Variants in PAK5 observed in about 807,000 individuals in gnomAD.
PAK5 encodes serine/threonine-protein kinase PAK 5.
In PAK5, 16 loss-of-function variants were observed where a neutral mutation model predicts 65.9. That is an observed-to-expected ratio of 0.24 (90% confidence interval 0.16 to 0.37). The LOEUF is 0.37. Among genes scored for constraint, PAK5 ranks in the 10% least tolerant of loss-of-function variants. The probability of loss-of-function intolerance (pLI) is 1.00; values close to 1 mark genes in which losing one functional copy is unlikely to be tolerated. For missense variants in PAK5, 785 were observed against 903.9 expected, an observed-to-expected ratio of 0.87 and a Z score of 1.69; for synonymous variants, 371 against 354.9, an observed-to-expected ratio of 1.05 and a Z score of -0.51.
chr20:9,724,002 C>T (rs913140851), intron 1 of PAK5, among the ~76,000 whole-genome samples: 1 of 152,148 alleles, frequency 6.6e-6, no homozygotes, highest in African/African-American at 2.4e-5. Flanking sequence ...CACCTCATGT[C>T]AGCCAATCTT....
At chr20:9,626,062 G>T (rs953509466) in intron 3 of PAK5, among the ~76,000 whole-genome samples, 1 of 152,044 alleles carries the variant, frequency 6.6e-6, no homozygotes, top group Non-Finnish European at 1.5e-5. Context: ...TAGTAATTGT[G>T]GATTCAAAGA....
chr20:9,590,830 C>A (rs1259548091), intron 3 of PAK5, among the ~76,000 whole-genome samples: 1 of 152,094 alleles, frequency 6.6e-6, no homozygotes, highest in Admixed American at 6.6e-5. Context: ...ATAAACAACC[C>A]AACACTGTTC....
Position 9,594,744 on chromosome 20 carries a change from T to C in PAK5, c.205-13814A>G, listed in dbSNP as rs74482635. On this transcript the variant is annotated intron_variant, in intron 3 of 9. Transcript: ENST00000353224. Reference sequence around the variant, plus strand: ...TAACAGACTTTGGATCATTCCCAACTTTGCTGGTGTGTTTTCCCAGGTCAT... The same window carrying C: ...TAACAGACTTTGGATCATTCCCAACCTTGCTGGTGTGTTTTCCCAGGTCAT... Among the ~76,000 whole-genome samples, 10 of 152,324 alleles carry C rather than the reference T, an allele frequency of 6.6e-5. No homozygotes were observed. In the East Asian group the frequency reaches 1.9e-3, roughly 29 times the overall value.
intron 1 of PAK5, among the ~76,000 whole-genome samples, chr20:9,758,072 C>A (rs1258816071): frequency 2.6e-5 from 4 of 152,168 alleles, no homozygotes; most frequent in African/African-American, 4.8e-5. Flanking sequence ...TACTTCATAG[C>A]CTTATTTGGA....
At chr20:9,544,184 C>T (rs973163032) in intron 8 of PAK5, among the ~76,000 whole-genome samples, 185 bp downstream of exon 8, 1 of 152,148 alleles carries the variant, frequency 6.6e-6, no homozygotes, top group African/African-American at 2.4e-5. Flanking sequence ...AGTGATCTGC[C>T]CCAGGGGTGG....
chr20:9,745,722 G>C (rs775956507), intron 1 of PAK5, among the ~76,000 whole-genome samples: 4 of 152,032 alleles, frequency 2.6e-5, no homozygotes, highest in Non-Finnish European at 5.9e-5. Context: ...CATGCTTTTG[G>C]TGATACCAAT....
chr20:9,539,902 T>TA (rs2045232674), intron 9 of PAK5, among the ~76,000 whole-genome samples: 1 of 152,214 alleles, frequency 6.6e-6, no homozygotes, highest in East Asian at 1.9e-4. Context: ...AGAGCAGCTA[T>TA]TACAAAATAT....
At chr20:9,732,814 A>G (rs1359600792) in intron 1 of PAK5, among the ~76,000 whole-genome samples, 1 of 152,208 alleles carries the variant, frequency 6.6e-6, no homozygotes, top group Non-Finnish European at 1.5e-5. Flanking sequence ...CTCTGTCTGG[A>G]CATGCTTTCT....
chr20:9,723,721 G>T (rs938548544), intron 1 of PAK5, among the ~76,000 whole-genome samples: 3 of 152,126 alleles, frequency 2.0e-5, no homozygotes, highest in African/African-American at 7.2e-5. Context: ...TGTGGCCCTG[G>T]TCACCCTGGG....
chr20:9,833,205 G>A (rs1047028767), intron 1 of PAK5, among the ~76,000 whole-genome samples: 10 of 152,228 alleles, frequency 6.6e-5, no homozygotes, highest in South Asian at 2.1e-4. Flanking sequence ...TTTCCATGAC[G>A]TTTTGTCAAA....
At chr20:9,779,176 C>A (rs2048916239) in intron 1 of PAK5, among the ~76,000 whole-genome samples, 1 of 151,968 alleles carries the variant, frequency 6.6e-6, no homozygotes, top group Non-Finnish European at 1.5e-5. Context: ...AACTGTTTAG[C>A]ATTTGACAAA....
chr20:9,782,992 T>C (rs777218820), intron 1 of PAK5, among the ~76,000 whole-genome samples: 1 of 151,612 alleles, frequency 6.6e-6, no homozygotes, highest in East Asian at 1.9e-4. Flanking sequence ...TGTAATGGCA[T>C]GATGTCGGCT....
chr20:9,699,676 A>T (rs1288969549), intron 2 of PAK5, among the ~76,000 whole-genome samples: 2 of 151,828 alleles, frequency 1.3e-5, no homozygotes, highest in African/African-American at 4.8e-5. Flanking sequence ...TGGTAGGAAT[A>T]AAAAAAACTC....
At chr20:9,692,825 G>A (rs1209208885) in intron 2 of PAK5, among the ~76,000 whole-genome samples, 2 of 152,070 alleles carry the variant, frequency 1.3e-5, no homozygotes, top group Non-Finnish European at 2.9e-5. Context: ...AGCTGTGTGA[G>A]CCTGATGGAC....
chr20:9,596,635 C>CAAAAAAA (rs35576059), intron 3 of PAK5, among the ~76,000 whole-genome samples: 5 of 52,814 alleles, frequency 9.5e-5, no homozygotes, highest in East Asian at 8.4e-4. Context: ...GACTCCGTCT[C>CAAAAAAA]AAAAAAAAAA....
Position 9,539,184 on chromosome 20 carries a change from T to A in PAK5, c.*278A>T. 2 of 349,016 alleles carry A rather than the reference T, an allele frequency of 5.7e-6. No individual in the cohort carries two copies. Among genetic ancestry groups the A allele is most frequent in the Non-Finnish European group, 1.1e-5 (2 of 186,844 alleles). 21.6% of individuals were successfully genotyped at this position (349,016 alleles called of 1,614,324 possible). A position where few individuals can be genotyped will look rare whatever the true frequency, so the allele number is the denominator to read the frequency against. On this transcript the variant is annotated 3_prime_UTR_variant, in exon 10 of 10. Coordinates refer to ENST00000353224, the MANE Select transcript of PAK5 (RefSeq NM_177990.4). ...CTAGGATATATCATAACGGAGTTTG[T>A]ACTGAGTCCTTCTGATTTGCTGGAT...
chr20:9,740,495 AG>A (rs1423375251), intron 1 of PAK5, among the ~76,000 whole-genome samples: 1 of 152,196 alleles, frequency 6.6e-6, no homozygotes, highest in Admixed American at 6.5e-5. Flanking sequence ...GCTCCCCAAA[AG>A]GTAGTTATAC....
rs540876088 is a variant in PAK5 at position 9,742,170 on chromosome 20, C to T, written c.-161-30735G>A. 7.2e-5 allele frequency among the ~76,000 whole-genome samples: 11 copies of T among 152,186 alleles called. 1 individual carries two copies. In the South Asian group the frequency reaches 1.2e-3, roughly 17 times the overall value. On this transcript the variant is annotated intron_variant, in intron 1 of 9. Transcript: ENST00000353224. ...GAAGATTCAAATAAGGATCCTCCCC[C>T]CACCCCAATGTTACTGTGAATCTGT...
At chr20:9,709,598 C>G (rs1273719093) in intron 2 of PAK5, among the ~76,000 whole-genome samples, 1 of 152,096 alleles carries the variant, frequency 6.6e-6, no homozygotes, top group Non-Finnish European at 1.5e-5. Flanking sequence ...TTATCCAGCA[C>G]TGTATAATTG....
Sources: gnomAD v4.1 joint callset for allele counts (sites outside exome capture counted in the v4.1 genomes callset) on GRCh38, gnomAD v4.1.1 for gene constraint, MANE v1.5 for transcripts, NCBI Gene and HGNC (gene_info 2026-07-23, HGNC 2026-07-21) for gene names.